Variants in PRR5L observed in about 807,000 individuals in gnomAD.
The protein encoded by PRR5L is proline-rich protein 5-like.
PRR5L carries 21 observed loss-of-function variants against 36.4 expected under a neutral mutation model. The observed-to-expected ratio is 0.58, with a 90% CI of 0.41 to 0.83. PRR5L has a LOEUF of 0.83. Ranked by LOEUF, PRR5L falls within the 40% of genes least tolerant of loss-of-function variation. The pLI is 0.00. For synonymous variants in PRR5L, 188 were observed against 197.0 expected, an observed-to-expected ratio of 0.95 and a Z score of 0.38; for missense variants, 381 against 473.3, an observed-to-expected ratio of 0.80 and a Z score of 1.81.
At chr11:36,342,494 T>C (rs1020773441) in intron 1 of PRR5L, among the ~76,000 whole-genome samples, 7 of 152,214 alleles carry the variant, frequency 4.6e-5, no homozygotes, top group Admixed American at 6.5e-5. Context: ...CAGTAAGACA[T>C]GGGTGGTATT....
At chr11:36,453,422 A>G (rs1187098312) in intron 8 of PRR5L, among the ~76,000 whole-genome samples, 1 of 152,250 alleles carries the variant, frequency 6.6e-6, no homozygotes. Flanking sequence ...TAGCTAAAAT[A>G]AGAATAATGC....
Position 36,344,790 on chromosome 11 carries a change from C to T in PRR5L, c.-126+48352C>T, listed in dbSNP as rs1856848247. On this transcript the variant is annotated intron_variant, in intron 1 of 8. Coordinates refer to ENST00000530639, the MANE Select transcript of PRR5L (RefSeq NM_001160167.2). This position sits in a 1 kb window ranked among gnomAD's most constrained non-coding sequence, Gnocchi z 4.1. ...TCTGACTGAGAATGAACTGACCAGCCATCAGGTTTAATTAGTGCTACTTTT... is the reference window on the plus strand; with the variant it reads ...TCTGACTGAGAATGAACTGACCAGCTATCAGGTTTAATTAGTGCTACTTTT... Among the ~76,000 whole-genome samples the T allele has an allele frequency of 6.6e-6, 1 of 152,144 alleles. No individual in the cohort carries two copies. Among genetic ancestry groups the T allele is most frequent in the Admixed American group, 6.5e-5 (1 of 15,272 alleles).
intron 1 of PRR5L, among the ~76,000 whole-genome samples, chr11:36,363,814 C>A (rs1322073675): frequency 6.6e-6 from 1 of 152,180 alleles, no homozygotes; most frequent in Non-Finnish European, 1.5e-5. Context: ...AAGAAGCAAT[C>A]GGCTGTTAAT....
rs1209690054 is a variant in PRR5L, at chr11:36,446,409, C to T, written c.554C>T (p.Ser185Leu). 9 of 1,614,020 alleles carry T rather than the reference C, an allele frequency of 5.6e-6. No individual in the cohort carries two copies. Among genetic ancestry groups the T allele is most frequent in the Admixed American group, 3.3e-5 (2 of 60,002 alleles). Residue 185 changes from serine (S) to leucine (L), a missense_variant, in exon 7 of 9, where the codon TCG becomes TTG. Coordinates refer to ENST00000530639, the MANE Select transcript of PRR5L (RefSeq NM_001160167.2). ...LLLLAQSKLP[S>L]SIVQMLLILQ... is the part of the protein sequence containing the mutation. Reference sequence around the variant, plus strand: ...CTGCTGGCCCAGTCCAAGCTGCCCTCGTCCATTGTCCAGATGTTGCTCATC... The same window carrying T: ...CTGCTGGCCCAGTCCAAGCTGCCCTTGTCCATTGTCCAGATGTTGCTCATC...
At chr11:36,333,491 C>T (rs956256944) in intron 1 of PRR5L, among the ~76,000 whole-genome samples, 2 of 152,146 alleles carry the variant, frequency 1.3e-5, no homozygotes, top group African/African-American at 4.8e-5. Context: ...CCATTGACTG[C>T]TGAGTGGATT....
chr11:36,338,284 T>C (rs1856787164), intron 1 of PRR5L, among the ~76,000 whole-genome samples: 1 of 152,212 alleles, frequency 6.6e-6, no homozygotes, highest in Non-Finnish European at 1.5e-5. Context: ...TTGAGCTCCT[T>C]TGTTCACAGT....
intron 3 of PRR5L, among the ~76,000 whole-genome samples, chr11:36,408,419 C>T (rs1564939588): frequency 6.7e-6 from 1 of 148,692 alleles, no homozygotes; most frequent in Non-Finnish European, 1.5e-5. Context: ...GCCTTAGGCA[C>T]AGCTTGCACA....
At chr11:36,391,439 C>A (rs1056160805) in intron 1 of PRR5L, among the ~76,000 whole-genome samples, 23 of 152,320 alleles carry the variant, frequency 1.5e-4, no homozygotes, top group Non-Finnish European at 7.3e-5. Flanking sequence ...TGATGAAACT[C>A]ATATAAGCTG....
intron 4 of PRR5L, among the ~76,000 whole-genome samples, chr11:36,422,117 C>A (rs143281107): frequency 2.3e-4 from 35 of 152,248 alleles, no homozygotes; most frequent in African/African-American, 8.2e-4. Context: ...CCTAGTCATG[C>A]AGGTGGTTCA....
At chr11:36,434,512 T>C (rs1448169231) in intron 5 of PRR5L, among the ~76,000 whole-genome samples, 1 of 152,200 alleles carries the variant, frequency 6.6e-6, no homozygotes, top group African/African-American at 2.4e-5. Flanking sequence ...GCTGTTCATA[T>C]CCACTTATTG....
intron 3 of PRR5L, among the ~76,000 whole-genome samples, chr11:36,411,745 A>G (rs189836733): frequency 8.7e-4 from 133 of 152,266 alleles, no homozygotes; most frequent in African/African-American, 2.6e-3. Context: ...TCTTTTCTCC[A>G]AAGCTCTGCC....
At chr11:36,425,167 A>G (rs1858355152) in intron 4 of PRR5L, among the ~76,000 whole-genome samples, 1 of 152,172 alleles carries the variant, frequency 6.6e-6, no homozygotes, top group African/African-American at 2.4e-5. Context: ...AGGCACGCTC[A>G]AGTCTGGCAA....
At chr11:36,349,426 G>A (rs1856904473) in intron 1 of PRR5L, among the ~76,000 whole-genome samples, 1 of 152,254 alleles carries the variant, frequency 6.6e-6, no homozygotes, top group South Asian at 2.1e-4. Flanking sequence ...CATTCACCTG[G>A]AACTGAACCA....
At chr11:36,329,015 C>G (rs1856692676) in intron 1 of PRR5L, 1 of 152,156 alleles carries the variant, frequency 6.6e-6, no homozygotes, top group Non-Finnish European at 1.5e-5. Context: ...TGCTGGAAAC[C>G]ATCAGGTATT....
At chr11:36,442,823 C>T (rs1368766824) in intron 6 of PRR5L, among the ~76,000 whole-genome samples, 1 of 152,098 alleles carries the variant, frequency 6.6e-6, no homozygotes, top group African/African-American at 2.4e-5. Flanking sequence ...CCTTTGCTGT[C>T]CCTATTTCTA....
chr11:36,423,320 G>C (rs1379703947), intron 4 of PRR5L, among the ~76,000 whole-genome samples: 1 of 152,186 alleles, frequency 6.6e-6, no homozygotes, highest in Non-Finnish European at 1.5e-5. Context: ...AAGAGTCCCA[G>C]GAGGCCAGTT....
chr11:36,395,043 G>T (rs1857630344), intron 1 of PRR5L, among the ~76,000 whole-genome samples: 2 of 152,130 alleles, frequency 1.3e-5, no homozygotes, highest in South Asian at 4.1e-4. Flanking sequence ...TGGTGGGGGT[G>T]GGTATTGGAG....
intron 3 of PRR5L, among the ~76,000 whole-genome samples, chr11:36,408,278 T>C (rs1269101782): frequency 7.1e-6 from 1 of 141,796 alleles, no homozygotes; most frequent in Non-Finnish European, 1.5e-5. Context: ...AGAGAATTTG[T>C]CTCAAAAAAA....
At chr11:36,412,869 A>G (rs1176982822) in intron 3 of PRR5L, among the ~76,000 whole-genome samples, 1 of 152,128 alleles carries the variant, frequency 6.6e-6, no homozygotes, top group Non-Finnish European at 1.5e-5. Flanking sequence ...ATCCAGAACC[A>G]TGTCTAACAC....
Sources: gnomAD v4.1 joint callset for allele counts (sites outside exome capture counted in the v4.1 genomes callset) on GRCh38, gnomAD v4.1.1 for gene constraint, Gnocchi (gnomAD v3.1) non-coding constraint, MANE v1.5 for transcripts, NCBI Gene and HGNC (gene_info 2026-07-23, HGNC 2026-07-21) for gene names.